POFUT3: variants seen among roughly 807,000 people sequenced by gnomAD.
The protein encoded by POFUT3 is GDP-fucose protein O-fucosyltransferase 3.
At chr8:33,328,143 A>G in the POFUT3 span, among the ~76,000 whole-genome samples, 1 of 152,138 alleles carries the variant, frequency 6.6e-6, no homozygotes, top group African/African-American at 2.4e-5. Context: ...CATTCAAGAC[A>G]GCTTACATGT....
chr8:33,362,396 C>G, the POFUT3 span, among the ~76,000 whole-genome samples: 1 of 152,238 alleles, frequency 6.6e-6, no homozygotes, highest in Non-Finnish European at 1.5e-5. Context: ...ATCATAATGA[C>G]AAGATCAAAT....
At chr8:33,389,772 G>A in the POFUT3 span, 2 of 1,613,852 alleles carry the variant, frequency 1.2e-6, no homozygotes, top group South Asian at 1.1e-5. Context: ...CGAGGCAGAG[G>A]TAAGCTATCT....
the POFUT3 span, among the ~76,000 whole-genome samples, chr8:33,431,334 G>A: frequency 6.6e-6 from 1 of 151,218 alleles, no homozygotes; most frequent in Non-Finnish European, 1.5e-5. Context: ...ATCACTTGAG[G>A]CCAGGAGTTC....
the POFUT3 span, chr8:33,452,538 A>G: frequency 6.6e-6 from 1 of 150,588 alleles, no homozygotes; most frequent in African/African-American, 2.4e-5. Flanking sequence ...TTGCCAAACC[A>G]ATATCTAAAG....
chr8:33,417,027 T>C, the POFUT3 span, among the ~76,000 whole-genome samples: 1 of 152,034 alleles, frequency 6.6e-6, no homozygotes, highest in South Asian at 2.1e-4. Flanking sequence ...AGGAGGTGAG[T>C]GGCGGGAGTG....
At chr8:33,429,402 T>C in the POFUT3 span, among the ~76,000 whole-genome samples, 1 of 152,222 alleles carries the variant, frequency 6.6e-6, no homozygotes, top group Non-Finnish European at 1.5e-5. Flanking sequence ...CCGTTGTGCA[T>C]AAAGACAGAA....
the POFUT3 span, among the ~76,000 whole-genome samples, chr8:33,367,420 A>G: frequency 6.6e-6 from 1 of 152,240 alleles, no homozygotes; most frequent in Non-Finnish European, 1.5e-5. Flanking sequence ...CTTTTAGTTA[A>G]TTTAATATCT....
At chr8:33,408,468 C>T in the POFUT3 span, among the ~76,000 whole-genome samples, 2 of 152,096 alleles carry the variant, frequency 1.3e-5, no homozygotes, top group South Asian at 2.1e-4. Flanking sequence ...TCCTAGGCAA[C>T]TCAGGACAGT....
the POFUT3 span, among the ~76,000 whole-genome samples, chr8:33,405,728 C>T: frequency 2.0e-5 from 3 of 152,132 alleles, no homozygotes; most frequent in Admixed American, 1.3e-4. Context: ...ACTCAGAGCT[C>T]GTGTGAAGTC....
At chr8:33,373,335 CATCT>C in the POFUT3 span, among the ~76,000 whole-genome samples, 1 of 152,186 alleles carries the variant, frequency 6.6e-6, no homozygotes, top group African/African-American at 2.4e-5. Context: ...ACTGTTTTTA[CATCT>C]ATCTATGTTG....
At chr8:33,390,074 T>C in the POFUT3 span, among the ~76,000 whole-genome samples, 4 of 152,142 alleles carry the variant, frequency 2.6e-5, no homozygotes, top group Non-Finnish European at 5.9e-5. Flanking sequence ...ACATTGCCTG[T>C]AATCCCAGCT....
chr8:33,416,575 G>C, the POFUT3 span, among the ~76,000 whole-genome samples: 3 of 152,068 alleles, frequency 2.0e-5, no homozygotes, highest in African/African-American at 7.2e-5. Flanking sequence ...GCCAGGTGTG[G>C]GGGTGCATGA....
At chr8:33,341,390 G>A in the POFUT3 span, among the ~76,000 whole-genome samples, 2 of 145,264 alleles carry the variant, frequency 1.4e-5, no homozygotes, top group Admixed American at 1.4e-4. Flanking sequence ...AGCTGAGATT[G>A]CACCACTGCA....
the POFUT3 span, among the ~76,000 whole-genome samples, chr8:33,465,626 C>A: frequency 2.0e-5 from 3 of 152,056 alleles, no homozygotes; most frequent in East Asian, 5.8e-4. Context: ...CCACACCCAG[C>A]TAATTTTTCT....
At chr8:33,382,240 C>T in the POFUT3 span, among the ~76,000 whole-genome samples, 2 of 151,638 alleles carry the variant, frequency 1.3e-5, no homozygotes, top group East Asian at 2.0e-4. Flanking sequence ...TGCAGTGAGC[C>T]GAGATCACAC....
chr8:33,452,700 ACAC>A, the POFUT3 span: 1 of 152,714 alleles, frequency 6.5e-6, no homozygotes, highest in African/African-American at 2.4e-5. Context: ...ACACACACAC[ACAC>A]ACACACACAC....
chr8:33,415,994 C>CA, the POFUT3 span, among the ~76,000 whole-genome samples: 25 of 152,054 alleles, frequency 1.6e-4, no homozygotes, highest in Admixed American at 6.6e-5. Context: ...ACCTACAACA[C>CA]AAATTACAAA....
At chr8:33,430,889 T>C in the POFUT3 span, among the ~76,000 whole-genome samples, 7 of 152,180 alleles carry the variant, frequency 4.6e-5, no homozygotes, top group African/African-American at 1.2e-4. Context: ...ATTACAGGCG[T>C]GAGCCACCGC....
At chr8:33,442,070 C>G in the POFUT3 span, among the ~76,000 whole-genome samples, 13 of 152,088 alleles carry the variant, frequency 8.5e-5, no homozygotes, top group Admixed American at 1.3e-4. Context: ...CTGCCTCAGC[C>G]TCCTGAGTAG....
Sources: gnomAD v4.1 joint callset for allele counts (sites outside exome capture counted in the v4.1 genomes callset) on GRCh38, gnomAD v4.1.1 for gene constraint, MANE v1.5 for transcripts, NCBI Gene and HGNC (gene_info 2026-07-23, HGNC 2026-07-21) for gene names.